ZNF383: variants seen among roughly 807,000 people sequenced by gnomAD.
The protein encoded by ZNF383 is zinc finger protein 383.
A neutral mutation model predicts 44.2 loss-of-function variants in ZNF383; 32 were observed. The observed-to-expected ratio is 0.72, with a 90% CI of 0.55 to 0.97. The LOEUF (loss-of-function observed/expected upper bound fraction) is 0.97, where lower values mean the gene tolerates loss of function less well. Ranked by LOEUF, ZNF383 falls within the 50% of genes least tolerant of loss-of-function variation. The pLI is 0.00. For missense variants in ZNF383, 487 were observed against 562.5 expected, an observed-to-expected ratio of 0.87 and a Z score of 1.36; for synonymous variants, 155 against 186.2, an observed-to-expected ratio of 0.83 and a Z score of 1.36.
At chr19:37,219,476 A>G (rs1599775745) in intron 1 of ZNF383, 1 of 151,486 alleles carries the variant, frequency 6.6e-6, no homozygotes, top group African/African-American at 2.4e-5. Flanking sequence ...GCTGGTCTCG[A>G]CCTCCCCACC....
At chr19:37,237,228 G>T (rs1381336962) in intron 5 of ZNF383, among the ~76,000 whole-genome samples, 1 of 152,132 alleles carries the variant, frequency 6.6e-6, no homozygotes, top group Non-Finnish European at 1.5e-5. Flanking sequence ...CCACAAAGTA[G>T]AGTAGTATAA....
Position 37,244,571 on chromosome 19 carries a change from G to T in ZNF383, c.*907G>T, listed in dbSNP as rs1974286637. ...TTTTTGTATTTTTAGTAGAGACGGG[G>T]TTTCACCATGTTAGCCAGGATGGTC... On this transcript the variant is annotated 3_prime_UTR_variant, in exon 6 of 6. Coordinates refer to ENST00000684119, the MANE Select transcript of ZNF383 (RefSeq NM_001387601.1). 6.6e-6 allele frequency: 1 copy of T among 151,952 alleles called. No homozygotes were observed. The highest frequency in any genetic ancestry group is 1.5e-5 in the Non-Finnish European group (1 of 68,074). The allele number at this position is 151,952 out of a possible 1,614,324, so 9.4% of individuals were successfully genotyped here. A position where few individuals can be genotyped will look rare whatever the true frequency, so the allele number is the denominator to read the frequency against.
chr19:37,222,097 G>T (rs2145473813), intron 1 of ZNF383, among the ~76,000 whole-genome samples: 1 of 151,876 alleles, frequency 6.6e-6, no homozygotes, highest in East Asian at 1.9e-4. Flanking sequence ...AGAACTAATA[G>T]TTTGTCTTCT....
chr19:37,230,518 A>T (rs1599789919), intron 3 of ZNF383, 56 bp downstream of exon 3: 2 of 1,467,160 alleles, frequency 1.4e-6, no homozygotes, highest in East Asian at 4.6e-5. Flanking sequence ...AAAAAAAAAG[A>T]CATGAGCATT....
chr19:37,229,147 ATTTTTTT>A (rs774901192), intron 2 of ZNF383, among the ~76,000 whole-genome samples: 23 of 116,876 alleles, frequency 2.0e-4, no homozygotes, highest in African/African-American at 4.8e-4. Context: ...AAAAGGTTGA[ATTTTTTT>A]TTTTTTTTTT....
At position 37,243,591 on chromosome 19, in the gene ZNF383, G is replaced by C; in HGVS notation, c.1355G>C (p.Cys452Ser). The C allele has an allele frequency of 6.2e-7, 1 of 1,611,148 alleles. No individual in the cohort carries two copies. The highest frequency in any genetic ancestry group is 8.5e-7 in the Non-Finnish European group (1 of 1,178,050). ...RIHTGEKPYN[C>S]KECGKAFSSG... Reference sequence around the variant, plus strand: ...CACACTGGTGAAAAGCCCTATAACTGTAAGGAATGTGGGAAGGCTTTTAGT... The same window carrying C: ...CACACTGGTGAAAAGCCCTATAACTCTAAGGAATGTGGGAAGGCTTTTAGT... Residue 452 changes from cysteine to serine, a missense_variant, in exon 6 of 6, where the codon TGT becomes TCT. Transcript: ENST00000684119.
intron 1 of ZNF383, chr19:37,219,840 C>T (rs766039161): frequency 6.6e-6 from 1 of 152,178 alleles, no homozygotes; most frequent in Non-Finnish European, 1.5e-5. Context: ...AGTTTCTATT[C>T]AAGAAAATGA....
At chr19:37,233,861 A>T (rs917117313) in intron 3 of ZNF383, among the ~76,000 whole-genome samples, 1 of 151,716 alleles carries the variant, frequency 6.6e-6, no homozygotes, top group Non-Finnish European at 1.5e-5. Context: ...TTTTTTTAAA[A>T]TTTTATTTAT....
At chr19:37,242,365 A>G in intron 5 of ZNF383, 104 bp from the exon 6 acceptor site, 1 of 697,722 alleles carries the variant, frequency 1.4e-6, no homozygotes, top group Non-Finnish European at 2.3e-6. Context: ...TGTGTCATTT[A>G]CCTAGTAGAT....
Position 37,244,821 on chromosome 19 carries a change from G to A in ZNF383, c.*1157G>A, listed in dbSNP as rs1437027364. The A allele has an allele frequency of 2.0e-5, 3 of 152,114 alleles. No individual in the cohort carries two copies. The highest frequency in any genetic ancestry group is 7.2e-5 in the African/African-American group (3 of 41,418). 9.4% of individuals were successfully genotyped at this position (152,114 alleles called of 1,614,324 possible). On this transcript the variant is annotated 3_prime_UTR_variant, in exon 6 of 6. Transcript: ENST00000684119. The stretch of plus-strand genomic sequence containing the variant: ...GGTAGAGAAAATCGTGCTATACTTT[G>A]CTTTTTTAAGAAAGTGTAATTATGA...
chr19:37,241,930 A>G (rs1974102056), intron 5 of ZNF383, among the ~76,000 whole-genome samples: 1 of 147,434 alleles, frequency 6.8e-6, no homozygotes, highest in Non-Finnish European at 1.5e-5. Flanking sequence ...TTATATAGAT[A>G]TATGTATATC....
At chr19:37,228,164 G>T (rs549001760) in intron 2 of ZNF383, among the ~76,000 whole-genome samples, 11 of 152,184 alleles carry the variant, frequency 7.2e-5, no homozygotes, top group Non-Finnish European at 1.5e-4. Context: ...GACCAAGGTC[G>T]GCTAAGTAAC....
chr19:37,231,974 G>A (rs1973508110), intron 3 of ZNF383, among the ~76,000 whole-genome samples: 1 of 151,954 alleles, frequency 6.6e-6, no homozygotes, highest in East Asian at 1.9e-4. Flanking sequence ...TTACTTATTT[G>A]ATAAACATTA....
At chr19:37,221,809 A>T (rs1265719924) in intron 1 of ZNF383, among the ~76,000 whole-genome samples, 1 of 151,032 alleles carries the variant, frequency 6.6e-6, no homozygotes, top group African/African-American at 2.4e-5. Flanking sequence ...ACAAAAAATT[A>T]GCCGGGCATG....
chr19:37,243,713 A>G lies in ZNF383; in HGVS notation c.*49A>G. 27 of 1,300,804 alleles carry G rather than the reference A, an allele frequency of 2.1e-5. No individual in the cohort carries two copies. The highest frequency in any genetic ancestry group is 2.8e-5 in the Non-Finnish European group (27 of 951,922). 80.6% of individuals were successfully genotyped at this position (1,300,804 alleles called of 1,614,324 possible). ...TTCCTCATATTTTAAACCAAAAATC[A>G]TGTCTAATAGTTACCCTCTTCCGTA... On this transcript the variant is annotated 3_prime_UTR_variant, in exon 6 of 6. Transcript: ENST00000684119.
chr19:37,233,024 T>G (rs1973575222), intron 3 of ZNF383, among the ~76,000 whole-genome samples: 1 of 152,186 alleles, frequency 6.6e-6, no homozygotes, highest in African/African-American at 2.4e-5. Context: ...CAATGGAAAG[T>G]TTCCTTGGAA....
chr19:37,227,665 G>T, intron 2 of ZNF383: 1 of 152,686 alleles, frequency 6.5e-6, no homozygotes. Flanking sequence ...TATTGGCCCC[G>T]AATGCCTGGT....
rs902918193 is a variant in ZNF383 at position 37,243,884 on chromosome 19, G to T, written c.*220G>T. 3 of 413,692 alleles carry T rather than the reference G, an allele frequency of 7.3e-6. No homozygotes were observed. The highest frequency in any genetic ancestry group is 7.2e-5 in the East Asian group (2 of 27,848). The allele number at this position is 413,692 out of a possible 1,614,324, so 25.6% of individuals were successfully genotyped here. A position where few individuals can be genotyped will look rare whatever the true frequency, so the allele number is the denominator to read the frequency against. On this transcript the variant is annotated 3_prime_UTR_variant, in exon 6 of 6. Transcript: ENST00000684119. ...CTATAATTCTTTCATTCATTGTTTT[G>T]TTCTACTTTCTTGGTGACACATTAT...
intron 5 of ZNF383, among the ~76,000 whole-genome samples, chr19:37,237,544 C>G (rs1973878792): frequency 6.6e-6 from 1 of 152,184 alleles, no homozygotes. Flanking sequence ...AAGTTCTGCA[C>G]TTCTGAAGCC....
Sources: allele counts gnomAD v4.1 joint callset (sites outside exome capture counted in the v4.1 genomes callset), GRCh38; gene constraint gnomAD v4.1.1; transcripts MANE v1.5; gene names NCBI Gene and HGNC (gene_info 2026-07-23, HGNC 2026-07-21).